The following ARHGEF10L variants were observed in gnomAD, a reference collection of about 807,000 sequenced individuals.
The protein encoded by ARHGEF10L is rho guanine nucleotide exchange factor 10-like protein.
Under a neutral mutation model 141.2 loss-of-function variants are expected in ARHGEF10L, and 69 were observed. The ratio of observed to expected loss-of-function variants is 0.49; its 90% CI spans 0.40 to 0.60. The LOEUF (loss-of-function observed/expected upper bound fraction) is 0.60. ARHGEF10L is among the 20% of genes least tolerant of loss of function. The probability of loss-of-function intolerance (pLI) is 0.00; values close to 1 mark genes in which losing one functional copy is unlikely to be tolerated. For synonymous variants in ARHGEF10L, 711 were observed against 718.5 expected (o/e 0.99, Z 0.17); for missense variants, 1,482 against 1,734.3 (o/e 0.85, Z 2.58).
At chr1:17,591,091 T>C (rs948763748) in intron 4 of ARHGEF10L, among the ~76,000 whole-genome samples, 2 of 152,220 alleles carry the variant, frequency 1.3e-5, no homozygotes, top group African/African-American at 4.8e-5. Flanking sequence ...ATTCTGACTC[T>C]GGCAGCTGTA....
Position 17,558,263 on chromosome 1 carries a change from A to G in ARHGEF10L, c.-44+18313A>G, listed in dbSNP as rs1178075094. On this transcript the variant is annotated intron_variant, in intron 1 of 28. Transcript: ENST00000361221. This position sits in a 1 kb window ranked among gnomAD's most constrained non-coding sequence, Gnocchi z 4.2. Reference sequence around the variant, plus strand: ...TATCTACCCATCCACCTACTCATTCATTCATCTATCCATCCACCCACCCGC... The same window carrying G: ...TATCTACCCATCCACCTACTCATTCGTTCATCTATCCATCCACCCACCCGC... Among the ~76,000 whole-genome samples the G allele has an allele frequency of 6.6e-6, 1 of 151,228 alleles. No individual in the cohort carries two copies. The highest frequency in any genetic ancestry group is 1.5e-5 in the Non-Finnish European group (1 of 67,824).
At position 17,647,772 on chromosome 1, in the gene ARHGEF10L, G is replaced by T. The variant is rs75555197; in HGVS notation, c.2273-782G>T. On this transcript the variant is annotated intron_variant, in intron 21 of 28. Transcript: ENST00000361221. ...TGAGAGAAGGGGCCACTGTAGTCAG[G>T]GTGGTCAGGGAGGACTTCTCGGAGG... Among the ~76,000 whole-genome samples, 1,069 of 152,214 alleles carry T rather than the reference G, an allele frequency of 7.0e-3. 24 individuals are homozygous for T. In the East Asian group the frequency reaches 0.087, roughly 12 times the overall value.
intron 7 of ARHGEF10L, among the ~76,000 whole-genome samples, chr1:17,610,281 G>GC (rs1459851202): frequency 6.6e-6 from 1 of 152,170 alleles, no homozygotes; most frequent in African/African-American, 2.4e-5. Context: ...GGTATAAGGG[G>GC]CCCACAGAGC....
intron 1 of ARHGEF10L, among the ~76,000 whole-genome samples, chr1:17,546,819 T>A (rs543379322): frequency 3.9e-4 from 59 of 152,280 alleles, no homozygotes; most frequent in African/African-American, 1.4e-3. Flanking sequence ...AGGCCTGGTG[T>A]CAGGAAAGAG....
At chr1:17,672,360 G>A (rs756806056) in intron 26 of ARHGEF10L, among the ~76,000 whole-genome samples, 2 of 152,072 alleles carry the variant, frequency 1.3e-5, no homozygotes, top group Non-Finnish European at 2.9e-5. Flanking sequence ...GACATGAAAC[G>A]GGTGGGAATT....
intron 1 of ARHGEF10L, among the ~76,000 whole-genome samples, chr1:17,562,562 A>G (rs1427088212): frequency 1.3e-5 from 2 of 152,240 alleles, no homozygotes; most frequent in African/African-American, 2.4e-5. Context: ...GTGAGCATTC[A>G]TTTATTCCTG....
In ARHGEF10L at chr1:17,693,607, C is replaced by A. The variant is rs114484905; in HGVS notation, c.3185-1551C>A. Among the ~76,000 whole-genome samples, 1,166 of 152,276 alleles carry A rather than the reference C, an allele frequency of 7.7e-3. 6 individuals are homozygous for A. The highest frequency in any genetic ancestry group is 0.017 in the Middle Eastern group (5 of 294). On this transcript the variant is annotated intron_variant, in intron 27 of 28. Coordinates refer to ENST00000361221, the MANE Select transcript of ARHGEF10L (RefSeq NM_018125.4). ...GCAGCAGACCTCAACTCCACCCCAC[C>A]CTGCACTCACCAGGTGGGGGACCTC...
the ARHGEF10L span, among the ~76,000 whole-genome samples, chr1:17,528,339 C>T: frequency 6.6e-6 from 1 of 151,378 alleles, no homozygotes; most frequent in African/African-American, 2.4e-5. Context: ...TTTAGCCTCC[C>T]AAGTAGCTGG....
At chr1:17,643,137 C>CT (rs1219051506) in intron 21 of ARHGEF10L, among the ~76,000 whole-genome samples, 18 of 152,144 alleles carry the variant, frequency 1.2e-4, no homozygotes, top group African/African-American at 4.3e-4. Context: ...TATTTTTTTT[C>CT]TTTTTATCTG....
chr1:17,571,154 C>T (rs373579210), intron 1 of ARHGEF10L, among the ~76,000 whole-genome samples: 150 of 152,158 alleles, frequency 9.9e-4, no homozygotes, highest in Middle Eastern at 6.8e-3. Flanking sequence ...AGGGAGGAGC[C>T]GCGGTGTAGC....
In ARHGEF10L at chr1:17,632,477, C is replaced by G. The variant is rs766184831; in HGVS notation, c.1730+11C>G. The G allele has an allele frequency of 6.2e-7, 1 of 1,614,018 alleles. No individual in the cohort carries two copies. The highest frequency in any genetic ancestry group is 2.2e-5 in the East Asian group (1 of 44,876). ...CAACATCAACTTCAAGTAAGTGGGC[C>G]TGGGTTGGAGGGGGCAATCACCCCT... On this transcript the variant is annotated intron_variant, in intron 16 of 28. Transcript: ENST00000361221.
chr1:17,688,632 C>T (rs555337838), intron 27 of ARHGEF10L, among the ~76,000 whole-genome samples: 265 of 152,348 alleles, frequency 1.7e-3, no homozygotes, highest in African/African-American at 6.1e-3. Flanking sequence ...AAACACAGCC[C>T]GTGTGGCAGG....
chr1:17,534,979 AT>A (rs1292525219), upstream of ARHGEF10L, among the ~76,000 whole-genome samples: 5 of 151,956 alleles, frequency 3.3e-5, no homozygotes, highest in African/African-American at 1.2e-4. Context: ...TTTTCCATGG[AT>A]GGGGTGGGGG....
chr1:17,595,220 CTTTTTTTTTTTTTT>C (rs58475060), intron 4 of ARHGEF10L, among the ~76,000 whole-genome samples: 1 of 106,114 alleles, frequency 9.4e-6, no homozygotes, highest in Non-Finnish European at 1.9e-5. Context: ...CGTGGCTCAC[CTTTTTTTTTTTTTT>C]TTTTTTTTTT....
chr1:17,618,988 G>C (rs907089185), intron 9 of ARHGEF10L, among the ~76,000 whole-genome samples: 1 of 152,226 alleles, frequency 6.6e-6, no homozygotes, highest in African/African-American at 2.4e-5. Context: ...GACATGGGCA[G>C]CTAGCCTTCG....
At chr1:17,645,292 A>G (rs2061532526) in intron 21 of ARHGEF10L, among the ~76,000 whole-genome samples, 1 of 152,186 alleles carries the variant, frequency 6.6e-6, no homozygotes, top group African/African-American at 2.4e-5. Flanking sequence ...TGGCAGTGGC[A>G]GATGGGGAGC....
chr1:17,563,912 C>A (rs1314692683), intron 1 of ARHGEF10L, among the ~76,000 whole-genome samples: 2 of 151,030 alleles, frequency 1.3e-5, no homozygotes, highest in Non-Finnish European at 2.9e-5. Context: ...TGGGAAGAAA[C>A]AAAATGACCC....
the ARHGEF10L span, among the ~76,000 whole-genome samples, chr1:17,525,759 T>C: frequency 6.6e-6 from 1 of 151,702 alleles, no homozygotes; most frequent in African/African-American, 2.4e-5. Context: ...TCCCAGCACT[T>C]TGGGGGGCTG....
intron 1 of ARHGEF10L, among the ~76,000 whole-genome samples, chr1:17,567,558 G>A (rs546617242): frequency 3.3e-5 from 5 of 152,182 alleles, no homozygotes; most frequent in African/African-American, 4.8e-5. Context: ...AGTAGAGACA[G>A]GGTTTTACCA....
Sources: allele counts gnomAD v4.1 joint callset (sites outside exome capture counted in the v4.1 genomes callset), GRCh38; gene constraint gnomAD v4.1.1; non-coding constraint Gnocchi (gnomAD v3.1); transcripts MANE v1.5; gene names NCBI Gene and HGNC (gene_info 2026-07-23, HGNC 2026-07-21).